The following SNX29 variants were observed in gnomAD, a reference collection of about 807,000 sequenced individuals.
The protein encoded by SNX29 is sorting nexin-29.
Under a neutral mutation model 102.1 loss-of-function variants are expected in SNX29, and 78 were observed. The ratio of observed to expected loss-of-function variants is 0.76; its 90% CI spans 0.64 to 0.92. The LOEUF is 0.92. Ranked by LOEUF, SNX29 falls within the 40% of genes least tolerant of loss-of-function variation. The probability of loss-of-function intolerance (pLI) is 0.00; values close to 1 mark genes in which losing one functional copy is unlikely to be tolerated. For missense variants in SNX29, 1,280 were observed against 1,061.7 expected (o/e 1.21, Z -2.86); for synonymous variants, 580 against 414.5 (o/e 1.40, Z -4.85).
At chr16:12,540,594 AC>A (rs758286671) in intron 20 of SNX29, among the ~76,000 whole-genome samples, 188 of 152,204 alleles carry the variant, frequency 1.2e-3, no homozygotes, top group Middle Eastern at 3.4e-3. Flanking sequence ...TTACTCTGGG[AC>A]CCTGAGATTC....
intron 13 of SNX29, among the ~76,000 whole-genome samples, chr16:12,136,061 T>C (rs2054647705): frequency 2.0e-5 from 3 of 152,238 alleles, no homozygotes; most frequent in African/African-American, 7.2e-5. Context: ...ACTTCGCTTC[T>C]TGTGTCTCAC....
At chr16:12,390,177 T>C (rs2083476772) in intron 16 of SNX29, among the ~76,000 whole-genome samples, 1 of 151,638 alleles carries the variant, frequency 6.6e-6, no homozygotes, top group African/African-American at 2.4e-5. Flanking sequence ...TGTGTGTGTG[T>C]GTGTATGTAT....
At chr16:12,293,078 G>C (rs1412573215) in intron 15 of SNX29, among the ~76,000 whole-genome samples, 1 of 152,172 alleles carries the variant, frequency 6.6e-6, no homozygotes, top group Non-Finnish European at 1.5e-5. Flanking sequence ...GTCAAACATT[G>C]CAGGGGCATC....
At chr16:12,177,066 G>A (rs536313297) in intron 13 of SNX29, among the ~76,000 whole-genome samples, 18 of 152,192 alleles carry the variant, frequency 1.2e-4, no homozygotes, top group African/African-American at 4.3e-4. Context: ...TCCTACCTCA[G>A]CCTCCTGAAT....
chr16:12,033,850 G>A (rs1468663621), intron 4 of SNX29, among the ~76,000 whole-genome samples: 3 of 151,686 alleles, frequency 2.0e-5, no homozygotes, highest in South Asian at 2.1e-4. Flanking sequence ...CAGGTGATCC[G>A]CCTGCCTTGG....
intron 15 of SNX29, among the ~76,000 whole-genome samples, chr16:12,314,590 T>C (rs992973251): frequency 2.0e-5 from 3 of 152,270 alleles, no homozygotes; most frequent in Admixed American, 2.0e-4. Context: ...GATCCTGATA[T>C]GCAAGATATA....
intron 3 of SNX29, among the ~76,000 whole-genome samples, chr16:12,026,906 G>A (rs1433456528): frequency 2.0e-5 from 3 of 152,106 alleles, no homozygotes; most frequent in Non-Finnish European, 2.9e-5. Flanking sequence ...ACATAATCTT[G>A]TTCCTTAAAC....
At chr16:12,093,397 G>A (rs1282117628) in intron 11 of SNX29, among the ~76,000 whole-genome samples, 1 of 151,756 alleles carries the variant, frequency 6.6e-6, no homozygotes, top group Non-Finnish European at 1.5e-5. Context: ...ATTGCTTGAG[G>A]CCAGGAGTTC....
chr16:12,383,071 T>A (rs983243699), intron 16 of SNX29, among the ~76,000 whole-genome samples: 2 of 152,190 alleles, frequency 1.3e-5, no homozygotes, highest in Admixed American at 6.5e-5. Flanking sequence ...ATTTAAAAAA[T>A]TTTTTAGAAG....
intron 15 of SNX29, among the ~76,000 whole-genome samples, chr16:12,300,584 G>C (rs2080136860): frequency 6.6e-6 from 1 of 152,150 alleles, no homozygotes; most frequent in African/African-American, 2.4e-5. Flanking sequence ...CAGCAGAGCA[G>C]CTAAAAAAAG....
At chr16:12,382,619 A>G (rs548722330) in intron 16 of SNX29, among the ~76,000 whole-genome samples, 4 of 152,370 alleles carry the variant, frequency 2.6e-5, no homozygotes, top group African/African-American at 9.6e-5. Flanking sequence ...GTAACCAATT[A>G]CCATAAACGT....
chr16:12,439,368 C>G (rs1287500875), intron 18 of SNX29, among the ~76,000 whole-genome samples: 2 of 152,190 alleles, frequency 1.3e-5, no homozygotes, highest in African/African-American at 4.8e-5. Context: ...GGCTTGGCTT[C>G]TGAGTTAGCC....
intron 20 of SNX29, among the ~76,000 whole-genome samples, chr16:12,525,733 C>T (rs939256442): frequency 7.5e-6 from 1 of 133,692 alleles, no homozygotes; most frequent in Admixed American, 9.0e-5. Flanking sequence ...AATCATTACA[C>T]TTCAAAATTG....
intron 14 of SNX29, among the ~76,000 whole-genome samples, chr16:12,240,599 T>C (rs1254057341): frequency 7.7e-6 from 1 of 129,434 alleles, no homozygotes; most frequent in South Asian, 2.6e-4. Flanking sequence ...TTTTTTTTTT[T>C]TTTTTTTTTT....
At chr16:12,485,823 A>G (rs2088201302) in intron 19 of SNX29, among the ~76,000 whole-genome samples, 2 of 152,218 alleles carry the variant, frequency 1.3e-5, no homozygotes, top group South Asian at 2.1e-4. Flanking sequence ...ATCTGCAGAT[A>G]GAGGAGAGAG....
At position 12,514,376 on chromosome 16, in the gene SNX29, T is replaced by G. The variant is rs556896241; in HGVS notation, c.2179-10326T>G. Among the ~76,000 whole-genome samples, 87 of 152,240 alleles carry G rather than the reference T, an allele frequency of 5.7e-4. 1 individual carries two copies. The highest frequency in any genetic ancestry group is 1.1e-3 in the Non-Finnish European group (78 of 68,006). ...TGTGGTCCCCCTAAGCTACTGTCTT[T>G]GGCATCTTCAGGCTCCTCCCTGCCC... On this transcript the variant is annotated intron_variant, in intron 19 of 20. Transcript: ENST00000566228.
At chr16:12,544,616 T>TC (rs1485549961) in intron 20 of SNX29, among the ~76,000 whole-genome samples, 2 of 152,226 alleles carry the variant, frequency 1.3e-5, no homozygotes, top group African/African-American at 4.8e-5. Context: ...TGACTCTGCG[T>TC]CATGCCTTGG....
At chr16:12,536,253 G>T (rs926178906) in intron 20 of SNX29, among the ~76,000 whole-genome samples, 18 of 152,098 alleles carry the variant, frequency 1.2e-4, no homozygotes, top group African/African-American at 3.9e-4. Flanking sequence ...TTATGCATGA[G>T]AACTTGCTGT....
chr16:12,220,247 T>C (rs1365921168), intron 14 of SNX29, among the ~76,000 whole-genome samples: 2 of 151,624 alleles, frequency 1.3e-5, no homozygotes, highest in African/African-American at 4.9e-5. Flanking sequence ...TGCATCACTT[T>C]TTGTGTTGGT....
Sources: gnomAD v4.1 joint callset for allele counts (sites outside exome capture counted in the v4.1 genomes callset) on GRCh38, gnomAD v4.1.1 for gene constraint, MANE v1.5 for transcripts, NCBI Gene and HGNC (gene_info 2026-07-23, HGNC 2026-07-21) for gene names.